The following LSM14B variants were observed in gnomAD, a reference collection of about 807,000 sequenced individuals.
The protein encoded by LSM14B is protein LSM14 homolog B.
LSM14B carries 8 observed loss-of-function variants against 42.1 expected under a neutral mutation model. The observed-to-expected ratio is 0.19, with a 90% CI of 0.11 to 0.34. LSM14B has a LOEUF of 0.34. LSM14B is among the 10% of genes least tolerant of loss of function. LSM14B has a pLI of 1.00. For synonymous variants in LSM14B, 219 were observed against 209.7 expected, an observed-to-expected ratio of 1.04 and a Z score of -0.38; for missense variants, 396 against 513.1, an observed-to-expected ratio of 0.77 and a Z score of 2.21.
At chr20:62,128,919 G>C (rs1182252135) in intron 3 of LSM14B, 1 of 1,292,662 alleles carries the variant, frequency 7.7e-7, no homozygotes, top group East Asian at 5.6e-5. Flanking sequence ...ATTACCCTGT[G>C]GTTAGGGTGC....
At chr20:62,134,066 G>C in intron 8 of LSM14B, 97 bp from the exon 9 acceptor site, 2 of 367,762 alleles carry the variant, frequency 5.4e-6, no homozygotes, top group South Asian at 4.2e-5. Context: ...GTCTGACTCT[G>C]GGGGCAGGAG....
At chr20:62,126,485 G>A (rs1264619491) in intron 3 of LSM14B, 46 bp downstream of exon 3, 18 of 1,592,930 alleles carry the variant, frequency 1.1e-5, no homozygotes, top group Non-Finnish European at 1.4e-5. Flanking sequence ...GCGTGTAACT[G>A]TCACTGAGTG....
At chr20:62,128,575 CTTTG>C (rs2056672339) in intron 3 of LSM14B, among the ~76,000 whole-genome samples, 2 of 152,264 alleles carry the variant, frequency 1.3e-5, no homozygotes, top group South Asian at 2.1e-4. Context: ...TAGGGCAAGA[CTTTG>C]TTTGAACTAG....
chr20:62,125,257 G>A (rs890415120), intron 2 of LSM14B, among the ~76,000 whole-genome samples: 2 of 152,236 alleles, frequency 1.3e-5, no homozygotes, highest in African/African-American at 4.8e-5. Flanking sequence ...GTTGATTCTT[G>A]TAGCACACAC....
rs2056534060 is a variant in LSM14B, at chr20:62,124,751, A to G, written c.262A>G (p.Thr88Ala). The G allele has an allele frequency of 6.2e-7, 1 of 1,613,576 alleles. No homozygotes were observed. Among genetic ancestry groups the G allele is most frequent in the Non-Finnish European group, 8.5e-7 (1 of 1,179,750 alleles). The change falls in exon 2 of 9, where the codon ACA becomes GCA. Residue 88 changes from threonine to alanine, a missense_variant. Transcript: ENST00000279068. ...GTGTGAACCTCCGAAAGCTCAGCAC[A>G]CACTCCCGCAGGATCCCGCCATTGT... The part of the protein sequence containing the change: ...TVCEPPKAQH[T>A]LPQDPAIVQS...
chr20:62,131,696 G>A (rs779045669), intron 7 of LSM14B, among the ~76,000 whole-genome samples, 190 bp downstream of exon 7: 17 of 152,284 alleles, frequency 1.1e-4, no homozygotes, highest in Non-Finnish European at 1.8e-4. Flanking sequence ...TGGGGATCCC[G>A]ACCCGAGGAG....
At position 62,130,332 on chromosome 20, in the gene LSM14B, G is replaced by A. The variant is rs147540390; in HGVS notation, c.673+36G>A. 681 of 1,563,524 alleles carry A rather than the reference G, an allele frequency of 4.4e-4. 4 individuals carry two copies. The African/African-American group carries it at 6.7e-3, about 15-fold the overall frequency. ...TTGCCACTTGATTTCTGGGGACCAC[G>A]AGTGATCAGGCTGAGCTCTGCTTGC... On this transcript the variant is annotated intron_variant, in intron 5 of 8. Coordinates refer to ENST00000279068, the MANE Select transcript of LSM14B (RefSeq NM_144703.3). This position sits in a 1 kb window ranked among gnomAD's most constrained non-coding sequence, Gnocchi z 4.1.
Position 62,129,309 on chromosome 20 carries a change from C to A in LSM14B, c.428-476C>A, listed in dbSNP as rs113969087. On this transcript the variant is annotated intron_variant, in intron 3 of 8. Transcript: ENST00000279068. Reference sequence around the variant, plus strand: ...ATTTAACTTCAGAATTTGTTCACTGCATTTTCTAGAAAATCCCAGGCTGGG... The same window carrying A: ...ATTTAACTTCAGAATTTGTTCACTGAATTTTCTAGAAAATCCCAGGCTGGG... 9.1e-3 allele frequency among the ~76,000 whole-genome samples: 1,387 copies of A among 152,332 alleles called. 16 individuals are homozygous for A. Among genetic ancestry groups the A allele is most frequent in the African/African-American group, 0.03 (1,249 of 41,560 alleles).
At chr20:62,126,579 C>G in intron 3 of LSM14B, 140 bp downstream of exon 3, 1 of 1,123,708 alleles carries the variant, frequency 8.9e-7, no homozygotes, top group Non-Finnish European at 1.2e-6. Flanking sequence ...AGTAAATTAC[C>G]CAGTGCAACT....
chr20:62,133,668 G>T (rs1026388721), intron 8 of LSM14B, among the ~76,000 whole-genome samples, 193 bp downstream of exon 8: 2 of 152,202 alleles, frequency 1.3e-5, no homozygotes, highest in African/African-American at 2.4e-5. Flanking sequence ...CTGCATCTGT[G>T]GGGGTAGGAT....
chr20:62,134,407 C>A lies in LSM14B; in HGVS notation c.*259C>A. ...TGTTTCCTTTTTAGTTGCGCATAGCCTAATTCTAAGGTTTTGGTATTTTGC... is the reference window on the plus strand; with the variant it reads ...TGTTTCCTTTTTAGTTGCGCATAGCATAATTCTAAGGTTTTGGTATTTTGC... On this transcript the variant is annotated 3_prime_UTR_variant, in exon 9 of 9. Coordinates refer to ENST00000279068, the MANE Select transcript of LSM14B (RefSeq NM_144703.3). The A allele has an allele frequency of 2.3e-6, 1 of 425,600 alleles. No individual in the cohort carries two copies. Among genetic ancestry groups the A allele is most frequent in the Non-Finnish European group, 4.8e-6 (1 of 207,772 alleles). The allele number at this position is 425,600 out of a possible 1,614,324, so 26.4% of individuals were successfully genotyped here.
Position 62,134,469 on chromosome 20 carries a change from T to C in LSM14B, c.*321T>C. The C allele has an allele frequency of 4.0e-6, 1 of 248,800 alleles. No homozygotes were observed. Among genetic ancestry groups the C allele is most frequent in the South Asian group, 3.1e-5 (1 of 32,744 alleles). 15.4% of individuals were successfully genotyped at this position (248,800 alleles called of 1,614,324 possible). On this transcript the variant is annotated 3_prime_UTR_variant, in exon 9 of 9. Coordinates refer to ENST00000279068, the MANE Select transcript of LSM14B (RefSeq NM_144703.3). ...TATAGTGAAAGCTGAATCCTTACTT[T>C]GTGACTTTTTTTTTTTTTTTTAATG...
chr20:62,129,121 C>A, intron 3 of LSM14B: 1 of 715,364 alleles, frequency 1.4e-6, no homozygotes, highest in Non-Finnish European at 2.1e-6. Flanking sequence ...ACTGCAGTTT[C>A]ATAGGCATAG....
intron 3 of LSM14B, chr20:62,128,085 G>T (rs1021350958): frequency 2.0e-6 from 1 of 504,558 alleles, no homozygotes; most frequent in African/African-American, 1.9e-5. Flanking sequence ...TTTGCTCTTT[G>T]ATCCGTGTGG....
chr20:62,134,273 A>C lies in LSM14B; in HGVS notation c.*125A>C, dbSNP rs761422748. 13 of 471,716 alleles carry C rather than the reference A, an allele frequency of 2.8e-5. No homozygotes were observed. Among genetic ancestry groups the C allele is most frequent in the Non-Finnish European group, 1.3e-5 (3 of 227,208 alleles). 29.2% of individuals were successfully genotyped at this position (471,716 alleles called of 1,614,324 possible). The stretch of plus-strand genomic sequence containing the variant: ...TGTTTACGGAGTTTGGAAGAGACCC[A>C]TACTGCTACTTGTGTTTTGGACTTA... On this transcript the variant is annotated 3_prime_UTR_variant, in exon 9 of 9. Transcript: ENST00000279068.
chr20:62,124,742 G>C lies in LSM14B; in HGVS notation c.253G>C (p.Ala85Pro). The C allele has an allele frequency of 6.2e-7, 1 of 1,613,816 alleles. No individual in the cohort carries two copies. The highest frequency in any genetic ancestry group is 1.1e-5 in the South Asian group (1 of 91,060). Residue 85 changes from alanine (A) to proline (P), a missense_variant, in exon 2 of 9, where the codon GCT (alanine) becomes CCT (proline). By Grantham distance (27) the Ala-to-Pro change is conservative. Around this residue, in one of 3 missense-constraint regions of LSM14B, gnomAD observed 274 missense variants for 335.8 expected, o/e 0.82. Transcript: ENST00000279068. ...TATCACTGTGTGTGAACCTCCGAAAGCTCAGCACACACTCCCGCAGGATCC... is the reference window on the plus strand; with the variant it reads ...TATCACTGTGTGTGAACCTCCGAAACCTCAGCACACACTCCCGCAGGATCC... ...KDITVCEPPK[A>P]QHTLPQDPAI...
At chr20:62,128,503 C>G (rs1165987633) in intron 3 of LSM14B, among the ~76,000 whole-genome samples, 1 of 151,802 alleles carries the variant, frequency 6.6e-6, no homozygotes, top group East Asian at 1.9e-4. Context: ...TTTTTTTTCC[C>G]CCACTTAAAA....
Position 62,122,816 on chromosome 20 carries a change from G to A in LSM14B, c.127+23G>A. Reference sequence around the variant, plus strand: ...AAGGTAGCGGCCGCCGCCCGCCCGAGCCCGCTGACCCCCGTCCGCCAACAG... The same window carrying A: ...AAGGTAGCGGCCGCCGCCCGCCCGAACCCGCTGACCCCCGTCCGCCAACAG... On this transcript the variant is annotated intron_variant, in intron 1 of 8. Transcript: ENST00000279068. This position sits in a 1 kb window ranked among gnomAD's most constrained non-coding sequence, Gnocchi z 4.6. 1 of 1,475,958 alleles carries A rather than the reference G, an allele frequency of 6.8e-7. No homozygotes were observed. Among genetic ancestry groups the A allele is most frequent in the Admixed American group, 2.1e-5 (1 of 47,848 alleles). 91.4% of individuals were successfully genotyped at this position (1,475,958 alleles called of 1,614,324 possible).
intron 8 of LSM14B, among the ~76,000 whole-genome samples, chr20:62,133,735 G>C (rs2056832405): frequency 1.3e-5 from 2 of 152,210 alleles, no homozygotes; most frequent in South Asian, 4.1e-4. Context: ...GGTGGTGCGG[G>C]AGTCGCGTGG....
Sources: gnomAD v4.1 joint callset for allele counts (sites outside exome capture counted in the v4.1 genomes callset) on GRCh38, gnomAD v4.1.1 for gene constraint, gnomAD v4.1.1 regional missense constraint, Gnocchi (gnomAD v3.1) non-coding constraint, MANE v1.5 for transcripts, NCBI Gene and HGNC (gene_info 2026-07-23, HGNC 2026-07-21) for gene names.